The following CABCOCO1 variants were observed in gnomAD, a reference collection of about 807,000 sequenced individuals.
The protein encoded by CABCOCO1 is ciliary associated calcium binding coiled-coil 1, also known as ciliary-associated calcium-binding coiled-coil protein 1.
CABCOCO1 carries 28 observed loss-of-function variants against 35.7 expected under a neutral mutation model. That is an observed-to-expected ratio of 0.78 (90% confidence interval 0.58 to 1.07). The LOEUF (loss-of-function observed/expected upper bound fraction) is 1.07, where lower values mean the gene tolerates loss of function less well. CABCOCO1 is among the 50% of genes least tolerant of loss of function. The pLI, the probability that CABCOCO1 is intolerant of heterozygous loss-of-function variation, is 0.00. For missense variants in CABCOCO1, 326 were observed against 309.2 expected, an observed-to-expected ratio of 1.05 and a Z score of -0.41; for synonymous variants, 95 against 100.1, an observed-to-expected ratio of 0.95 and a Z score of 0.30.
intron 5 of CABCOCO1, among the ~76,000 whole-genome samples, chr10:61,711,209 G>T (rs1451166594): frequency 1.3e-5 from 2 of 151,904 alleles, no homozygotes; most frequent in Non-Finnish European, 2.9e-5. Flanking sequence ...AGGTAAAGAT[G>T]ATCAGATTGC....
chr10:61,736,857 C>G (rs1841427745), intron 5 of CABCOCO1, among the ~76,000 whole-genome samples: 1 of 151,862 alleles, frequency 6.6e-6, no homozygotes, highest in Non-Finnish European at 1.5e-5. Context: ...GATCTTTCAC[C>G]TCCCTCATTA....
intron 5 of CABCOCO1, among the ~76,000 whole-genome samples, chr10:61,704,626 T>C (rs1840550488): frequency 6.6e-6 from 1 of 152,206 alleles, no homozygotes; most frequent in Non-Finnish European, 1.5e-5. Flanking sequence ...ATAGCTAAAC[T>C]GCGCTCAGAT....
chr10:61,757,692 C>CACACAG (rs776145797), intron 5 of CABCOCO1, among the ~76,000 whole-genome samples: 1 of 70,812 alleles, frequency 1.4e-5, no homozygotes, highest in Non-Finnish European at 3.0e-5. Flanking sequence ...AGTACACACA[C>CACACAG]ACACACAGAC....
At chr10:61,730,420 AG>A (rs1841275719) in intron 5 of CABCOCO1, among the ~76,000 whole-genome samples, 1 of 152,128 alleles carries the variant, frequency 6.6e-6, no homozygotes. Flanking sequence ...AGTTATGAAT[AG>A]GTAAATGAAA....
intron 4 of CABCOCO1, 145 bp from the exon 5 acceptor site, chr10:61,690,404 G>A: frequency 1.9e-6 from 1 of 534,382 alleles, no homozygotes; most frequent in Non-Finnish European, 3.3e-6. Context: ...ATTTCTTTTG[G>A]AATAAAGGAG....
intron 5 of CABCOCO1, among the ~76,000 whole-genome samples, chr10:61,726,626 G>A (rs539334165): frequency 6.6e-6 from 1 of 151,806 alleles, no homozygotes; most frequent in African/African-American, 2.4e-5. Flanking sequence ...TTATCTGGTG[G>A]GGAAAATATT....
chr10:61,690,686 G>T, intron 5 of CABCOCO1, 65 bp downstream of exon 5: 1 of 1,074,554 alleles, frequency 9.3e-7, no homozygotes. Context: ...ATCAGCATCT[G>T]GATCTTTAAC....
intron 6 of CABCOCO1, 21 bp from the exon 7 acceptor site, chr10:61,760,842 T>C (rs761066544): frequency 1.2e-5 from 19 of 1,601,466 alleles, no homozygotes; most frequent in Admixed American, 7.1e-5. Flanking sequence ...ACCCGAGTGC[T>C]ATTTACTTTC....
At chr10:61,705,478 C>T (rs1415097767) in intron 5 of CABCOCO1, among the ~76,000 whole-genome samples, 3 of 152,170 alleles carry the variant, frequency 2.0e-5, no homozygotes, top group Non-Finnish European at 4.4e-5. Flanking sequence ...ACTTTTATTG[C>T]TATCATGTGA....
chr10:61,722,242 C>CA lies in CABCOCO1; in HGVS notation c.552+31625dup, dbSNP rs201988163. Among the ~76,000 whole-genome samples, 741 of 152,100 alleles carry CA rather than the reference C, an allele frequency of 4.9e-3. 4 individuals carry two copies. The highest frequency in any genetic ancestry group is 0.017 in the African/African-American group (708 of 41,474). On this transcript the variant is annotated intron_variant, in intron 5 of 7. Transcript: ENST00000648843. The stretch of plus-strand genomic sequence containing the variant: ...ATTTTTAAATGTAATATTTTGTCCA[C>CA]AAAATAAACCTCAATAAATTCCTAT...
intron 5 of CABCOCO1, among the ~76,000 whole-genome samples, chr10:61,753,445 G>A (rs1841834741): frequency 6.6e-6 from 1 of 152,100 alleles, no homozygotes; most frequent in African/African-American, 2.4e-5. Context: ...GTCAATCTAA[G>A]AATCAAAAGT....
chr10:61,723,140 C>A (rs1460050142), intron 5 of CABCOCO1, among the ~76,000 whole-genome samples: 2 of 152,100 alleles, frequency 1.3e-5, no homozygotes, highest in African/African-American at 4.8e-5. Flanking sequence ...AAGAATAACA[C>A]GTCATGATCA....
rs200464114 is a variant in CABCOCO1, at chr10:61,698,740, G to A, written c.552+8119G>A. 3.3e-5 allele frequency among the ~76,000 whole-genome samples: 5 copies of A among 152,042 alleles called. No individual in the cohort carries two copies. In the East Asian group the frequency reaches 9.6e-4, roughly 29 times the overall value. ...ACTATACTTAAACATTGTTAGCTTT[G>A]TGGCAGAAAATAACCATATAAAAAC... On this transcript the variant is annotated intron_variant, in intron 5 of 7. Transcript: ENST00000648843.
rs77805435 is a variant in CABCOCO1 at position 61,760,006 on chromosome 10, T to C, written c.553-53T>C. 3.2e-3 allele frequency: 5,203 copies of C among 1,605,798 alleles called. 154 individuals carry two copies. In the African/African-American group the frequency reaches 0.061, roughly 19 times the overall value. On this transcript the variant is annotated intron_variant, in intron 5 of 7. Transcript: ENST00000648843. ...CATATATAACGGAACTGACCGAAAC[T>C]GTGGTTGCTCACCAAAGGCTCTGTC...
intron 5 of CABCOCO1, among the ~76,000 whole-genome samples, chr10:61,751,110 G>GA (rs113888067): frequency 0.062 from 9,428 of 152,122 alleles, 610 homozygotes; most frequent in African/African-American, 0.16. Context: ...AGGATGCAGG[G>GA]AAAAGCTCCC....
At chr10:61,762,044 T>C (rs1487310397) in intron 7 of CABCOCO1, among the ~76,000 whole-genome samples, 1 of 152,094 alleles carries the variant, frequency 6.6e-6, no homozygotes, top group African/African-American at 2.4e-5. Context: ...TAACTGGTTA[T>C]TGTGTAGAAG....
At chr10:61,758,219 T>C (rs1841938333) in intron 5 of CABCOCO1, among the ~76,000 whole-genome samples, 1 of 152,170 alleles carries the variant, frequency 6.6e-6, no homozygotes, top group Admixed American at 6.6e-5. Context: ...ACTAAGTAAA[T>C]ACCTCATCAT....
At chr10:61,684,334 A>T (rs1269201334) in intron 3 of CABCOCO1, among the ~76,000 whole-genome samples, 1 of 152,252 alleles carries the variant, frequency 6.6e-6, no homozygotes, top group Non-Finnish European at 1.5e-5. Flanking sequence ...TATACTAAAC[A>T]AATTACAAGT....
At chr10:61,744,407 C>T (rs1841612602) in intron 5 of CABCOCO1, among the ~76,000 whole-genome samples, 1 of 152,086 alleles carries the variant, frequency 6.6e-6, no homozygotes, top group African/African-American at 2.4e-5. Context: ...TAAACGTGTA[C>T]ATTAAACATT....
Sources: allele counts gnomAD v4.1 joint callset (sites outside exome capture counted in the v4.1 genomes callset), GRCh38; gene constraint gnomAD v4.1.1; transcripts MANE v1.5; gene names NCBI Gene and HGNC (gene_info 2026-07-23, HGNC 2026-07-21).